IL1RAP: variants seen among roughly 807,000 people sequenced by gnomAD.
IL1RAP encodes the protein interleukin-1 receptor accessory protein.
Under a neutral mutation model 60.7 loss-of-function variants are expected in IL1RAP, and 35 were observed. The ratio of observed to expected loss-of-function variants is 0.58; its 90% CI spans 0.44 to 0.76. IL1RAP has a LOEUF of 0.76. Among genes scored for constraint, IL1RAP ranks in the 30% least tolerant of loss-of-function variants. The pLI, the probability that IL1RAP is intolerant of heterozygous loss-of-function variation, is 0.00. For missense variants in IL1RAP, 572 were observed against 693.9 expected, an observed-to-expected ratio of 0.82 and a Z score of 1.97; for synonymous variants, 268 against 250.9, an observed-to-expected ratio of 1.07 and a Z score of -0.64.
exon 12 of IL1RAP, chr3:190,656,578 T>C (rs1475138669): frequency 6.5e-7 from 1 of 1,531,398 alleles, no homozygotes; most frequent in African/African-American, 1.4e-5. Flanking sequence ...CACGGACTTA[T>C]CCAATAACAA....
intron 6 of IL1RAP, among the ~76,000 whole-genome samples, chr3:190,622,739 C>CTTTG (rs1242748036): frequency 2.6e-5 from 4 of 152,170 alleles, no homozygotes; most frequent in Non-Finnish European, 4.4e-5. Flanking sequence ...ACCCTCTCAG[C>CTTTG]TTGTGGATGT....
intron 3 of IL1RAP, among the ~76,000 whole-genome samples, chr3:190,574,541 T>C (rs1727271442): frequency 6.6e-6 from 1 of 152,240 alleles, no homozygotes; most frequent in African/African-American, 2.4e-5. Flanking sequence ...TTCCAATGAC[T>C]GACTGCAGGC....
intron 4 of IL1RAP, among the ~76,000 whole-genome samples, chr3:190,604,825 T>C (rs1730162103): frequency 6.6e-6 from 1 of 152,152 alleles, no homozygotes; most frequent in Non-Finnish European, 1.5e-5. Flanking sequence ...GAAGAGAAAC[T>C]CAGGTGCATT....
chr3:190,615,035 T>A (rs969758343), intron 5 of IL1RAP, among the ~76,000 whole-genome samples: 2 of 148,230 alleles, frequency 1.3e-5, no homozygotes, highest in Admixed American at 1.4e-4. Flanking sequence ...TGGATTGTCC[T>A]CCTCCACATG....
chr3:190,629,790 CAAAG>C (rs888037366), intron 9 of IL1RAP: 13 of 1,082,100 alleles, frequency 1.2e-5, no homozygotes, highest in Admixed American at 5.0e-5. Flanking sequence ...AAATTAAAAA[CAAAG>C]AAAATATTCA....
chr3:190,626,508 C>T (rs1030862104), intron 7 of IL1RAP, among the ~76,000 whole-genome samples: 1 of 151,974 alleles, frequency 6.6e-6, no homozygotes, highest in African/African-American at 2.4e-5. Context: ...GGTGGGCCTC[C>T]TCAGCCAGAT....
At chr3:190,607,002 C>G (rs887519798) in intron 4 of IL1RAP, among the ~76,000 whole-genome samples, 1 of 152,102 alleles carries the variant, frequency 6.6e-6, no homozygotes, top group Non-Finnish European at 1.5e-5. Flanking sequence ...TAACTTCCAC[C>G]TATAGAATCT....
At chr3:190,540,867 T>G (rs983015282) in intron 1 of IL1RAP, among the ~76,000 whole-genome samples, 4 of 152,154 alleles carry the variant, frequency 2.6e-5, no homozygotes, top group Admixed American at 2.0e-4. Context: ...CTCACTCTTT[T>G]ATGAAGCCAA....
intron 1 of IL1RAP, among the ~76,000 whole-genome samples, chr3:190,545,304 C>T (rs966335681): frequency 1.3e-5 from 2 of 152,166 alleles, no homozygotes; most frequent in African/African-American, 4.8e-5. Context: ...TTGAAGTACC[C>T]TGCTGTAATT....
At position 190,597,418 on chromosome 3, in the gene IL1RAP, C is replaced by T. The variant is rs141165027; in HGVS notation, c.65-6710C>T. On this transcript the variant is annotated intron_variant, in intron 3 of 11. Transcript: ENST00000447382. The stretch of plus-strand genomic sequence containing the variant: ...ATTTATTTTTCACTCATGTCACAGC[C>T]GCTTGAAAGTCAAGTGGCATTCCTG... Among the ~76,000 whole-genome samples, 56 of 152,288 alleles carry T rather than the reference C, an allele frequency of 3.7e-4. 1 individual carries two copies. Among genetic ancestry groups the T allele is most frequent in the African/African-American group, 1.2e-3 (51 of 41,568 alleles).
At chr3:190,634,301 T>G (rs1733017701) in intron 9 of IL1RAP, among the ~76,000 whole-genome samples, 1 of 151,530 alleles carries the variant, frequency 6.6e-6, no homozygotes, top group African/African-American at 2.4e-5. Flanking sequence ...TTTTTTTTTT[T>G]TTTTGAGACA....
chr3:190,622,346 A>G (rs577522583), intron 6 of IL1RAP, among the ~76,000 whole-genome samples: 1 of 152,302 alleles, frequency 6.6e-6, no homozygotes, highest in African/African-American at 2.4e-5. Flanking sequence ...TTCTATACAA[A>G]GTAATTCTCA....
At chr3:190,624,012 A>C (rs549345398) in intron 7 of IL1RAP, among the ~76,000 whole-genome samples, 3 of 152,252 alleles carry the variant, frequency 2.0e-5, no homozygotes, top group Non-Finnish European at 4.4e-5. Flanking sequence ...AAACTATAGA[A>C]AATTTTAACA....
chr3:190,643,362 G>A (rs71310875), intron 9 of IL1RAP, among the ~76,000 whole-genome samples: 1 of 152,092 alleles, frequency 6.6e-6, no homozygotes, highest in South Asian at 2.1e-4. Flanking sequence ...TCTTCCTGAT[G>A]TTTTTGATGA....
intron 1 of IL1RAP, among the ~76,000 whole-genome samples, chr3:190,545,628 A>T (rs1724301395): frequency 6.6e-6 from 1 of 152,230 alleles, no homozygotes; most frequent in Non-Finnish European, 1.5e-5. Context: ...TAAGGCAATG[A>T]CAAGAACATA....
chr3:190,641,249 G>A (rs886083812), intron 9 of IL1RAP, among the ~76,000 whole-genome samples: 7 of 152,214 alleles, frequency 4.6e-5, no homozygotes, highest in African/African-American at 1.7e-4. Context: ...ACAGGCGTGA[G>A]CCACTGCGCC....
At chr3:190,640,041 G>T (rs901919968) in intron 9 of IL1RAP, among the ~76,000 whole-genome samples, 7 of 152,144 alleles carry the variant, frequency 4.6e-5, no homozygotes, top group African/African-American at 1.4e-4. Context: ...TTTGGCCGAA[G>T]ACTCGAGATA....
intron 10 of IL1RAP, among the ~76,000 whole-genome samples, chr3:190,644,758 T>A (rs1733892700): frequency 6.6e-6 from 1 of 152,214 alleles, no homozygotes; most frequent in Non-Finnish European, 1.5e-5. Context: ...GCAATTAATA[T>A]TAAAAAGCTA....
intron 3 of IL1RAP, among the ~76,000 whole-genome samples, chr3:190,597,412 C>G (rs940076852): frequency 1.3e-5 from 2 of 152,218 alleles, no homozygotes; most frequent in African/African-American, 2.4e-5. Flanking sequence ...TCACTCATGT[C>G]ACAGCCGCTT....
Sources: gnomAD v4.1 joint callset for allele counts (sites outside exome capture counted in the v4.1 genomes callset) on GRCh38, gnomAD v4.1.1 for gene constraint, MANE v1.5 for transcripts, NCBI Gene and HGNC (gene_info 2026-07-23, HGNC 2026-07-21) for gene names.